Variants in SMTNL1 observed in about 807,000 individuals in gnomAD.
SMTNL1 encodes smoothelin-like protein 1.
SMTNL1 carries 41 observed loss-of-function variants against 46.6 expected under a neutral mutation model. That is an observed-to-expected ratio of 0.88 (90% CI 0.69 to 1.14). SMTNL1 has a LOEUF of 1.14. SMTNL1 is among the 50% of genes most tolerant of loss of function. The pLI, the probability that SMTNL1 is intolerant of heterozygous loss-of-function variation, is 0.00. For synonymous variants in SMTNL1, 234 were observed against 234.2 expected (o/e 1.00, Z 0.01); for missense variants, 591 against 626.1 (o/e 0.94, Z 0.60).
intron 2 of SMTNL1, 50 bp downstream of exon 2, chr11:57,543,424 G>A: frequency 6.3e-7 from 1 of 1,580,838 alleles, no homozygotes; most frequent in Non-Finnish European, 8.6e-7. Flanking sequence ...TCCTGCTTCT[G>A]GAAGCAAGCC....
At chr11:57,548,627 G>A (rs1388753186) in intron 7 of SMTNL1, among the ~76,000 whole-genome samples, 8 of 152,014 alleles carry the variant, frequency 5.3e-5, no homozygotes, top group African/African-American at 7.2e-5. Flanking sequence ...CCAAAATCAC[G>A]CCACTGCATT....
In SMTNL1 at chr11:57,546,711, A is replaced by T; in HGVS notation, c.1340+59A>T. The stretch of plus-strand genomic sequence containing the variant: ...GGGAGCCTAGGCGAGGACTGGATTC[A>T]CAGGGGTTGAGTAGTGAGGCAGTTA... On this transcript the variant is annotated intron_variant, in intron 7 of 7. Transcript: ENST00000527972. 5.1e-6 allele frequency: 8 copies of T among 1,569,432 alleles called. No homozygotes were observed. In the South Asian group the frequency reaches 8.1e-5, roughly 16 times the overall value.
intron 1 of SMTNL1, among the ~76,000 whole-genome samples, chr11:57,541,156 C>T (rs1341135028): frequency 6.6e-6 from 1 of 152,222 alleles, no homozygotes; most frequent in Non-Finnish European, 1.5e-5. Flanking sequence ...AACCCCAGGA[C>T]TCTGGGTAAG....
At chr11:57,542,579 G>A (rs1164824199) in intron 1 of SMTNL1, 62 bp from the exon 2 acceptor site, 1 of 1,518,196 alleles carries the variant, frequency 6.6e-7, no homozygotes, top group Non-Finnish European at 8.8e-7. Context: ...CTCTCTGAGG[G>A]TGGGGTCTTC....
chr11:57,539,562 T>A (rs1384512576), intron 1 of SMTNL1, among the ~76,000 whole-genome samples: 1 of 152,152 alleles, frequency 6.6e-6, no homozygotes, highest in Non-Finnish European at 1.5e-5. Flanking sequence ...AGCTGATGGG[T>A]GCTGAGTACT....
In SMTNL1 at chr11:57,545,962, C is replaced by T; in HGVS notation, c.999C>T (p.Arg333=). ...AGAAGAAGGAGAAGGCACCAGAGCG[C>T]AGGGTATCAGCCCCTGCTCGGCCCC... is the stretch of plus-strand genomic sequence containing the variant. ...SGEKKEKAPE[R]RVSAPARPRG... is the part of the protein sequence containing the mutation. The change falls in exon 5 of 8, where the codon CGC becomes CGT. Residue 333 remains arginine, a synonymous_variant. Coordinates refer to ENST00000527972, the MANE Select transcript of SMTNL1 (RefSeq NM_001105565.3). 1 of 1,613,484 alleles carries T rather than the reference C, an allele frequency of 6.2e-7. No homozygotes were observed. The highest frequency in any genetic ancestry group is 8.5e-7 in the Non-Finnish European group (1 of 1,179,682).
Position 57,546,355 on chromosome 11 carries a change from TG to T in SMTNL1, c.1188+12del. ...ATGACAAAAAAATACGAGGTGGGCA[TG>T]GGGCAGAGCTGCGTGGGTGGGGCAG... On this transcript the variant is annotated intron_variant, in intron 6 of 7. Coordinates refer to ENST00000527972, the MANE Select transcript of SMTNL1 (RefSeq NM_001105565.3). 2.2e-6 allele frequency: 3 copies of T among 1,368,384 alleles called. No individual in the cohort carries two copies. The highest frequency in any genetic ancestry group is 3.9e-5 in the East Asian group (1 of 25,504). The allele number at this position is 1,368,384 out of a possible 1,614,324, so 84.8% of individuals were successfully genotyped here. A position where few individuals can be genotyped will look rare whatever the true frequency, so the allele number is the denominator to read the frequency against.
chr11:57,540,047 G>A (rs1002483653), intron 1 of SMTNL1, among the ~76,000 whole-genome samples: 1 of 152,074 alleles, frequency 6.6e-6, no homozygotes, highest in Non-Finnish European at 1.5e-5. Context: ...TTCTTCTGCT[G>A]CTAGAGAGAG....
rs763280392 is a variant in SMTNL1 at position 57,546,557 on chromosome 11, C to A, written c.1245C>A (p.Ala415=). The change falls in exon 7 of 8, where the codon GCC becomes GCA. Residue 415 remains alanine, a synonymous_variant. Coordinates refer to ENST00000527972, the MANE Select transcript of SMTNL1 (RefSeq NM_001105565.3). ...SSWSSGMAFC[A]LIHKFFPDAF... The stretch of plus-strand genomic sequence containing the variant: ...GGAGCAGTGGTATGGCCTTCTGTGC[C>A]CTCATCCACAAGTTCTTCCCTGACG... 1.4e-5 allele frequency: 23 copies of A among 1,614,050 alleles called. No individual in the cohort carries two copies. The African/African-American group carries it at 2.8e-4, about 20-fold the overall frequency.
Position 57,542,961 on chromosome 11 carries a change from G to A in SMTNL1, c.319G>A (p.Gly107Ser). The A allele has an allele frequency of 6.2e-7, 1 of 1,602,584 alleles. No homozygotes were observed. Among genetic ancestry groups the A allele is most frequent in the Non-Finnish European group, 8.5e-7 (1 of 1,174,512 alleles). The change falls in exon 2 of 8, where the codon GGT becomes AGT. Residue 107 changes from glycine to serine, a missense_variant. Transcript: ENST00000527972. Reference sequence around the variant, plus strand: ...TGGTGAGAAGGAAGAGACCACTGTGGGTTCTCAGGAGATGACTGGCAGGAA... The same window carrying A: ...TGGTGAGAAGGAAGAGACCACTGTGAGTTCTCAGGAGATGACTGGCAGGAA... Reference protein sequence around the residue: ...EDGEKEETTVGSQEMTGRKEE... With the variant: ...EDGEKEETTVSSQEMTGRKEE...
In SMTNL1 at chr11:57,549,971, A is replaced by G; in HGVS notation, c.1344A>G (p.Lys448=). 1 of 1,613,898 alleles carries G rather than the reference A, an allele frequency of 6.2e-7. No individual in the cohort carries two copies. The highest frequency in any genetic ancestry group is 8.5e-7 in the Non-Finnish European group (1 of 1,179,842). The change falls in exon 8 of 8, where the codon AAA becomes AAG. Residue 448 remains lysine (K), a synonymous_variant. Coordinates refer to ENST00000527972, the MANE Select transcript of SMTNL1 (RefSeq NM_001105565.3). ...CTCATTCCACCCCATTCCTTAGGAA[A>G]CTGGCTGACTGTGCTCAGCTGCTGG... ...NFTLAFSTAE[K]LADCAQLLDV...
At chr11:57,547,289 A>T (rs978725253) in intron 7 of SMTNL1, among the ~76,000 whole-genome samples, 1 of 152,070 alleles carries the variant, frequency 6.6e-6, no homozygotes, top group African/African-American at 2.4e-5. Flanking sequence ...AGCTGCCTGG[A>T]CTCTGGTTCT....
chr11:57,548,609 G>A (rs986146940), intron 7 of SMTNL1, among the ~76,000 whole-genome samples: 1 of 152,134 alleles, frequency 6.6e-6, no homozygotes, highest in Non-Finnish European at 1.5e-5. Context: ...AGCAGAGGTT[G>A]CAGTGAGCCA....
Position 57,550,132 on chromosome 11 carries a change from G to A in SMTNL1, c.*20G>A, listed in dbSNP as rs1429687081. 3.1e-6 allele frequency: 5 copies of A among 1,599,290 alleles called. No homozygotes were observed. The highest frequency in any genetic ancestry group is 4.3e-6 in the Non-Finnish European group (5 of 1,172,334). The stretch of plus-strand genomic sequence containing the variant: ...AAGTGAGGAGGTGACTGGCTCTGTG[G>A]GCAGAGATGGGCAGGGTGCCCAGCT... On this transcript the variant is annotated 3_prime_UTR_variant, in exon 8 of 8. Coordinates refer to ENST00000527972, the MANE Select transcript of SMTNL1 (RefSeq NM_001105565.3).
chr11:57,547,666 C>T lies in SMTNL1; in HGVS notation c.1340+1014C>T, dbSNP rs530571685. ...TGGCCAATGCCGAAGCCCCCAGTGGCGAAGCCCTTCCCCACCCACGCCCCA... is the reference window on the plus strand; with the variant it reads ...TGGCCAATGCCGAAGCCCCCAGTGGTGAAGCCCTTCCCCACCCACGCCCCA... On this transcript the variant is annotated intron_variant, in intron 7 of 7. Transcript: ENST00000527972. Among the ~76,000 whole-genome samples the T allele has an allele frequency of 2.4e-3, 363 of 152,324 alleles. 1 individual carries two copies. Among genetic ancestry groups the T allele is most frequent in the African/African-American group, 8.2e-3 (339 of 41,578 alleles).
chr11:57,542,394 T>C (rs748947607), intron 1 of SMTNL1, among the ~76,000 whole-genome samples: 34 of 152,218 alleles, frequency 2.2e-4, no homozygotes, highest in South Asian at 4.1e-4. Flanking sequence ...CAATGTTCTT[T>C]AAAGCCAAAG....
At chr11:57,539,016 T>C (rs1454648182) in intron 1 of SMTNL1, among the ~76,000 whole-genome samples, 1 of 151,904 alleles carries the variant, frequency 6.6e-6, no homozygotes, top group Non-Finnish European at 1.5e-5. Context: ...ACCCTTCCCC[T>C]CCACCACCCT....
At position 57,543,727 on chromosome 11, in the gene SMTNL1, C is replaced by G. The variant is rs749616498; in HGVS notation, c.836C>G (p.Pro279Arg). ...PSSPEEWPES[P>R]TGEGHNLSTD... ...TCCCCAGAGGAGTGGCCTGAGAGCC[C>G]CACTGGGGAGGGGCACAACCTCAGC... is the stretch of plus-strand genomic sequence containing the variant. Residue 279 changes from proline (P) to arginine (R), a missense_variant, in exon 3 of 8, where the codon CCC becomes CGC. Physicochemically the swap from Pro to Arg is moderately radical, Grantham distance 103. Transcript: ENST00000527972. The G allele has an allele frequency of 1.9e-6, 3 of 1,567,092 alleles. No individual in the cohort carries two copies. The highest frequency in any genetic ancestry group is 1.4e-5 in the African/African-American group (1 of 73,816).
In SMTNL1 at chr11:57,546,291, G is replaced by A. The variant is rs941790556; in HGVS notation, c.1132G>A (p.Gly378Ser). Residue 378 changes from glycine (G) to serine (S), a missense_variant, in exon 6 of 8, where the codon GGT becomes AGT. Physicochemically the swap from Gly to Ser is moderately conservative, Grantham distance 56 (BLOSUM62 0). Transcript: ENST00000527972. Reference protein sequence around the residue: ...RNTKAAGAAIGGVKNMLLEWC... With the variant: ...RNTKAAGAAISGVKNMLLEWC... ...CACTAAGGCAGCCGGGGCAGCCATT[G>A]GTGGTGTCAAGAACATGCTCTTGGA... is the stretch of plus-strand genomic sequence containing the variant. The A allele has an allele frequency of 1.2e-6, 2 of 1,611,572 alleles. No individual in the cohort carries two copies. Among genetic ancestry groups the A allele is most frequent in the African/African-American group, 2.7e-5 (2 of 74,894 alleles).
Sources: gnomAD v4.1 joint callset for allele counts (sites outside exome capture counted in the v4.1 genomes callset) on GRCh38, gnomAD v4.1.1 for gene constraint, MANE v1.5 for transcripts, NCBI Gene and HGNC (gene_info 2026-07-23, HGNC 2026-07-21) for gene names.